PABPC4L: variants seen among roughly 807,000 people sequenced by gnomAD.
PABPC4L encodes poly(A) binding protein cytoplasmic 4 like, also known as polyadenylate-binding protein 4-like.
For missense variants in PABPC4L, 452 were observed against 451.4 expected, an observed-to-expected ratio of 1.00 and a Z score of -0.01; for synonymous variants, 169 against 164.1, an observed-to-expected ratio of 1.03 and a Z score of -0.23.
At chr4:134,125,784 A>G in the PABPC4L span, among the ~76,000 whole-genome samples, 3 of 152,170 alleles carry the variant, frequency 2.0e-5, no homozygotes, top group African/African-American at 7.2e-5. Flanking sequence ...AAAGTAAGAA[A>G]ATCACAGAGT....
the PABPC4L span, among the ~76,000 whole-genome samples, chr4:134,024,069 G>A: frequency 3.3e-5 from 5 of 152,192 alleles, no homozygotes; most frequent in South Asian, 8.3e-4. Flanking sequence ...TGCATACTAC[G>A]TACAGGCATG....
At chr4:134,186,059 A>G in the PABPC4L span, among the ~76,000 whole-genome samples, 1 of 152,324 alleles carries the variant, frequency 6.6e-6, no homozygotes. Context: ...ATGGAAGAAC[A>G]TTCCATGCTC....
At chr4:134,144,227 C>T in the PABPC4L span, among the ~76,000 whole-genome samples, 1 of 151,422 alleles carries the variant, frequency 6.6e-6, no homozygotes, top group Admixed American at 6.6e-5. Context: ...CTAGCAATAC[C>T]TTTGCAAAAG....
chr4:134,027,105 T>C, the PABPC4L span, among the ~76,000 whole-genome samples: 1 of 152,192 alleles, frequency 6.6e-6, no homozygotes, highest in Non-Finnish European at 1.5e-5. Context: ...TATTTGATGA[T>C]TAGCCTTTGA....
the PABPC4L span, among the ~76,000 whole-genome samples, chr4:134,173,696 T>G: frequency 6.6e-6 from 1 of 152,016 alleles, no homozygotes; most frequent in African/African-American, 2.4e-5. Flanking sequence ...TCAAAAAAAC[T>G]AAAAGAGTGA....
chr4:134,087,070 G>A, the PABPC4L span, among the ~76,000 whole-genome samples: 1 of 150,246 alleles, frequency 6.7e-6, no homozygotes, highest in Non-Finnish European at 1.5e-5. Context: ...TTTTGTTCTT[G>A]CGATAGTTTA....
chr4:134,027,428 G>A, the PABPC4L span, among the ~76,000 whole-genome samples: 1 of 152,076 alleles, frequency 6.6e-6, no homozygotes, highest in African/African-American at 2.4e-5. Context: ...TTTTAAGGAT[G>A]ATCAGTATTC....
the PABPC4L span, among the ~76,000 whole-genome samples, chr4:133,975,730 C>T: frequency 5.3e-4 from 81 of 152,194 alleles, no homozygotes; most frequent in African/African-American, 1.8e-3. Context: ...CAGTTCGGGA[C>T]ATAGTGAATC....
chr4:134,086,523 T>A, the PABPC4L span, among the ~76,000 whole-genome samples: 1 of 151,982 alleles, frequency 6.6e-6, no homozygotes, highest in Non-Finnish European at 1.5e-5. Flanking sequence ...TTTTTTTTTT[T>A]ATCAAAAGAA....
the PABPC4L span, among the ~76,000 whole-genome samples, chr4:134,054,539 T>C: frequency 6.6e-6 from 1 of 151,638 alleles, no homozygotes; most frequent in African/African-American, 2.4e-5. Context: ...TTGGCCCCTA[T>C]CACCTCATTA....
At chr4:134,106,995 T>G in the PABPC4L span, among the ~76,000 whole-genome samples, 1 of 151,542 alleles carries the variant, frequency 6.6e-6, no homozygotes, top group African/African-American at 2.4e-5. Flanking sequence ...TATACTAAAC[T>G]AAGTGGAGAA....
chr4:134,089,042 G>C, the PABPC4L span, among the ~76,000 whole-genome samples: 2 of 152,020 alleles, frequency 1.3e-5, no homozygotes, highest in East Asian at 1.9e-4. Flanking sequence ...AAAAGATGAG[G>C]AAAGGAACTA....
chr4:134,101,118 T>C, the PABPC4L span, among the ~76,000 whole-genome samples: 118 of 151,608 alleles, frequency 7.8e-4, no homozygotes, highest in African/African-American at 2.1e-3. Context: ...TAACAGGCTT[T>C]ATAGTATGAT....
At chr4:133,971,766 C>T in the PABPC4L span, among the ~76,000 whole-genome samples, 1 of 152,170 alleles carries the variant, frequency 6.6e-6, no homozygotes, top group African/African-American at 2.4e-5. Context: ...TTTGCACATA[C>T]TTCATACTTT....
the PABPC4L span, among the ~76,000 whole-genome samples, chr4:134,149,979 G>T: frequency 6.6e-6 from 1 of 152,006 alleles, no homozygotes; most frequent in Non-Finnish European, 1.5e-5. Flanking sequence ...TTGGGCCCAG[G>T]AATATTTACC....
the PABPC4L span, among the ~76,000 whole-genome samples, chr4:134,015,731 C>T: frequency 6.6e-6 from 1 of 152,188 alleles, no homozygotes. Context: ...AATTCTTACA[C>T]TAGGACCAGG....
At chr4:134,141,086 C>T in the PABPC4L span, among the ~76,000 whole-genome samples, 70,218 of 151,422 alleles carry the variant, frequency 0.46, 19,065 homozygotes, top group East Asian at 0.98. Context: ...TTTCATACAA[C>T]CAGAGAATGA....
At chr4:133,973,272 A>T in the PABPC4L span, among the ~76,000 whole-genome samples, 1 of 152,140 alleles carries the variant, frequency 6.6e-6, no homozygotes, top group East Asian at 1.9e-4. Context: ...AAAACAGGAA[A>T]CCACCATGTC....
At chr4:134,161,692 T>C in the PABPC4L span, among the ~76,000 whole-genome samples, 1 of 152,072 alleles carries the variant, frequency 6.6e-6, no homozygotes, top group Non-Finnish European at 1.5e-5. Flanking sequence ...TCTCAAAGAA[T>C]AGGGCATTAA....
Sources: allele counts gnomAD v4.1 joint callset (sites outside exome capture counted in the v4.1 genomes callset), GRCh38; gene constraint gnomAD v4.1.1; transcripts MANE v1.5; gene names NCBI Gene and HGNC (gene_info 2026-07-23, HGNC 2026-07-21).